Variants in DPP3 observed in about 807,000 individuals in gnomAD.
DPP3 encodes the protein DPP III.
In DPP3, 64 loss-of-function variants were observed where a neutral mutation model predicts 89.8. The observed-to-expected ratio is 0.71, with a 90% CI of 0.58 to 0.88. The LOEUF is 0.88. Ranked by LOEUF, DPP3 falls within the 40% of genes least tolerant of loss-of-function variation. The pLI, the probability that DPP3 is intolerant of heterozygous loss-of-function variation, is 0.00. For missense variants in DPP3, 835 were observed against 972.5 expected (o/e 0.86, Z 1.88); for synonymous variants, 377 against 404.3 (o/e 0.93, Z 0.81).
At chr11:66,493,480 C>T (rs528779908) in intron 11 of DPP3, 61 bp from the exon 12 acceptor site, 14 of 1,561,540 alleles carry the variant, frequency 9.0e-6, no homozygotes, top group South Asian at 1.1e-5. Flanking sequence ...GAGGGGAGGC[C>T]GACAGGCTGT....
chr11:66,497,548 G>A (rs779586723), intron 16 of DPP3, 71 bp downstream of exon 16: 73 of 1,534,444 alleles, frequency 4.8e-5, no homozygotes, highest in Admixed American at 1.0e-4. Context: ...TACCAGGCAC[G>A]GAGAATAAGC....
chr11:66,501,825 C>CAAAAAAAAAAAAAAAAA (rs35196491), intron 16 of DPP3, among the ~76,000 whole-genome samples: 78 of 84,410 alleles, frequency 9.2e-4, no homozygotes, highest in African/African-American at 3.4e-3. Flanking sequence ...ACTTTGTCTC[C>CAAAAAAAAAAAAAAAAA]AAAAAAAAAA....
intron 16 of DPP3, among the ~76,000 whole-genome samples, chr11:66,501,435 A>G (rs1221079567): frequency 6.6e-6 from 1 of 152,142 alleles, no homozygotes; most frequent in Non-Finnish European, 1.5e-5. Flanking sequence ...AAAAGACTAC[A>G]TACACAGCAG....
rs896091425 is a variant in DPP3, at chr11:66,509,597, T to C, written c.*346T>C. 9.1e-6 allele frequency: 6 copies of C among 656,954 alleles called. No individual in the cohort carries two copies. The Admixed American group carries it at 1.3e-4, about 14-fold the overall frequency. The allele number at this position is 656,954 out of a possible 1,614,324, so 40.7% of individuals were successfully genotyped here. ...TAGGGTTCAAAACGTTCTCACCAAATCCAATGCTCCTCACATATTAATTTT... is the reference window on the plus strand; with the variant it reads ...TAGGGTTCAAAACGTTCTCACCAAACCCAATGCTCCTCACATATTAATTTT... On this transcript the variant is annotated 3_prime_UTR_variant, in exon 18 of 18. Coordinates refer to ENST00000531863, the MANE Select transcript of DPP3 (RefSeq NM_130443.4).
intron 16 of DPP3, among the ~76,000 whole-genome samples, chr11:66,498,504 C>G (rs1168310766): frequency 6.6e-6 from 1 of 152,204 alleles, no homozygotes; most frequent in Admixed American, 6.5e-5. Context: ...GCTGGGATTA[C>G]AGGTGTGAGG....
At chr11:66,486,427 A>G in intron 3 of DPP3, 113 bp from the exon 4 acceptor site, 1 of 1,317,020 alleles carries the variant, frequency 7.6e-7, no homozygotes, top group Non-Finnish European at 9.9e-7. Flanking sequence ...CATGGACCAC[A>G]CAATGAGCCA....
intron 11 of DPP3, 22 bp from the exon 12 acceptor site, chr11:66,493,519 G>C: frequency 6.2e-7 from 1 of 1,611,376 alleles, no homozygotes; most frequent in African/African-American, 1.3e-5. Flanking sequence ...TGGACAGCGC[G>C]GGTCTCTGCT....
chr11:66,485,110 G>A (rs1855186755), intron 2 of DPP3, 63 bp from the exon 3 acceptor site: 1 of 1,466,056 alleles, frequency 6.8e-7, no homozygotes, highest in Non-Finnish European at 9.5e-7. Context: ...ATCTCAGGAG[G>A]AGGTGTCGCT....
chr11:66,493,314 C>A, intron 11 of DPP3, 135 bp downstream of exon 11: 1 of 863,512 alleles, frequency 1.2e-6, no homozygotes, highest in Non-Finnish European at 1.8e-6. Context: ...AACCATGTGA[C>A]CGTGTGGACT....
chr11:66,485,655 A>G (rs1411204094), intron 3 of DPP3, among the ~76,000 whole-genome samples: 2 of 152,204 alleles, frequency 1.3e-5, no homozygotes, highest in Non-Finnish European at 2.9e-5. Flanking sequence ...TATAGCAGGT[A>G]TAAGAGCCGG....
chr11:66,490,438 T>C (rs1444929344), intron 6 of DPP3, among the ~76,000 whole-genome samples: 3 of 152,172 alleles, frequency 2.0e-5, no homozygotes, highest in African/African-American at 7.2e-5. Context: ...TCCTTGCCTT[T>C]TCCAGCTTCT....
At chr11:66,487,239 T>C in intron 4 of DPP3, 29 bp from the exon 5 acceptor site, 2 of 1,612,018 alleles carry the variant, frequency 1.2e-6, no homozygotes, top group South Asian at 2.2e-5. Flanking sequence ...GCAACTCCTC[T>C]TTCTCATGTC....
At chr11:66,484,571 C>T (rs993194142) in intron 2 of DPP3, among the ~76,000 whole-genome samples, 4 of 152,074 alleles carry the variant, frequency 2.6e-5, no homozygotes, top group Non-Finnish European at 4.4e-5. Flanking sequence ...CAGCTTGAGC[C>T]TTGTGTCCAT....
chr11:66,485,144 T>C, intron 2 of DPP3, 29 bp from the exon 3 acceptor site: 1 of 1,608,622 alleles, frequency 6.2e-7, no homozygotes, highest in South Asian at 1.1e-5. Flanking sequence ...CTGTGCTTCC[T>C]GGGTCTCTGA....
intron 17 of DPP3, among the ~76,000 whole-genome samples, chr11:66,505,332 T>G (rs1855773671): frequency 6.6e-6 from 1 of 152,198 alleles, no homozygotes; most frequent in African/African-American, 2.4e-5. Flanking sequence ...CTCTCACCCC[T>G]TGACTCATCT....
intron 2 of DPP3, among the ~76,000 whole-genome samples, chr11:66,482,881 A>G (rs938570089): frequency 1.3e-5 from 2 of 152,134 alleles, no homozygotes; most frequent in African/African-American, 4.8e-5. Flanking sequence ...TTTTGGATGT[A>G]TTGGCCAAGT....
rs762300280 is a variant in DPP3, at chr11:66,491,627, G to A, written c.929+3G>A. The A allele has an allele frequency of 9.9e-6, 16 of 1,612,162 alleles. No homozygotes were observed. Among genetic ancestry groups the A allele is most frequent in the Non-Finnish European group, 1.4e-5 (16 of 1,178,574 alleles). On this transcript the variant is annotated splice_donor_region_variant and intron_variant, in intron 8 of 17. Transcript: ENST00000531863. Reference sequence around the variant, plus strand: ...GACAAAGGCCCCATCGTGGAGAGGTGAGGCGCCAGCTCCACCCCACCTGCC... The same window carrying A: ...GACAAAGGCCCCATCGTGGAGAGGTAAGGCGCCAGCTCCACCCCACCTGCC...
At position 66,495,626 on chromosome 11, in the gene DPP3, A is replaced by G; in HGVS notation, c.1578-4A>G. On this transcript the variant is annotated splice_polypyrimidine_tract_variant and splice_region_variant and intron_variant, in intron 14 of 17. Transcript: ENST00000531863. ...ATCCTGCCACCTGCCTGCCCCTCTC[A>G]CAGGATCTTTGGCTTTGAGGGGGCT... is the stretch of plus-strand genomic sequence containing the variant. The G allele has an allele frequency of 6.2e-7, 1 of 1,614,126 alleles. No individual in the cohort carries two copies. The highest frequency in any genetic ancestry group is 8.5e-7 in the Non-Finnish European group (1 of 1,180,008).
Position 66,492,746 on chromosome 11 carries a change from G to T in DPP3, c.1019G>T (p.Ser340Ile), listed in dbSNP as rs761150627. ...GTAGCTGTGGTGAACAAGGCCATGA[G>T]TGCCAAGTTTGAGCGGCTGGTGGCG... ...GFVAVVNKAM[S>I]AKFERLVASA... is the part of the protein sequence containing the mutation. The change falls in exon 10 of 18, where the codon AGT becomes ATT. Residue 340 changes from serine (S) to isoleucine (I), a missense_variant. By Grantham distance (142) the Ser-to-Ile change is moderately radical. Coordinates refer to ENST00000531863, the MANE Select transcript of DPP3 (RefSeq NM_130443.4). 6.2e-7 allele frequency: 1 copy of T among 1,609,948 alleles called. No homozygotes were observed. Among genetic ancestry groups the T allele is most frequent in the Admixed American group, 1.7e-5 (1 of 59,022 alleles).
Sources: allele counts gnomAD v4.1 joint callset (sites outside exome capture counted in the v4.1 genomes callset), GRCh38; gene constraint gnomAD v4.1.1; transcripts MANE v1.5; gene names NCBI Gene and HGNC (gene_info 2026-07-23, HGNC 2026-07-21).